Variants in MYL1 observed in about 807,000 individuals in gnomAD.
MYL1 encodes myosin light chain 1/3, skeletal muscle isoform.
In MYL1, 16 loss-of-function variants were observed where a neutral mutation model predicts 21.8. The ratio of observed to expected loss-of-function variants is 0.74; its 90% confidence interval spans 0.50 to 1.12. The LOEUF (loss-of-function observed/expected upper bound fraction) is 1.12. Ranked by LOEUF, MYL1 falls within the 50% of genes most tolerant of loss-of-function variation. The probability of loss-of-function intolerance (pLI) is 0.00; values close to 1 mark genes in which losing one functional copy is unlikely to be tolerated. For synonymous variants in MYL1, 99 were observed against 85.2 expected (o/e 1.16, Z -0.89); for missense variants, 246 against 241.0 (o/e 1.02, Z -0.14).
chr2:210,306,231 A>G (rs1031462761), intron 1 of MYL1, among the ~76,000 whole-genome samples: 1 of 152,042 alleles, frequency 6.6e-6, no homozygotes, highest in East Asian at 1.9e-4. Flanking sequence ...AAATACAAGA[A>G]TTATCTGAGC....
intron 2 of MYL1, among the ~76,000 whole-genome samples, chr2:210,301,394 A>G (rs1690263289): frequency 6.6e-6 from 1 of 152,098 alleles, no homozygotes; most frequent in South Asian, 2.1e-4. Context: ...TTTATGTTCA[A>G]ATATGAACTA....
At chr2:210,308,570 A>T (rs1690374432) in intron 1 of MYL1, among the ~76,000 whole-genome samples, 1 of 151,148 alleles carries the variant, frequency 6.6e-6, no homozygotes, top group Admixed American at 6.6e-5. Flanking sequence ...CTGAGATAAA[A>T]TCCTTAATTT....
chr2:210,311,082 G>A (rs1323495751), intron 1 of MYL1, among the ~76,000 whole-genome samples: 1 of 151,962 alleles, frequency 6.6e-6, no homozygotes, highest in Non-Finnish European at 1.5e-5. Flanking sequence ...AGATAACATG[G>A]CAAAGAGCAA....
Position 210,294,252 on chromosome 2 carries a change from G to T in MYL1, c.471C>A (p.Ala157=). The part of the protein sequence containing the change: ...VMGAELRHVL[A]TLGEKMKEEE... ...TGAAATAAATTCCCTTACCCAGGGT[G>T]GCTAGAACATGGCGGAGTTCAGCAC... Residue 157 remains alanine, a synonymous_variant, in exon 4 of 7, where the codon GCC becomes GCA. Transcript: ENST00000352451. The T allele has an allele frequency of 1.2e-6, 2 of 1,611,260 alleles. No homozygotes were observed. The highest frequency in any genetic ancestry group is 4.5e-5 in the East Asian group (2 of 44,760).
At chr2:210,310,859 A>G (rs1690409845) in intron 1 of MYL1, among the ~76,000 whole-genome samples, 1 of 152,102 alleles carries the variant, frequency 6.6e-6, no homozygotes, top group Non-Finnish European at 1.5e-5. Flanking sequence ...ACATTCTTAG[A>G]AACAGCAACT....
At chr2:210,303,074 T>C in intron 1 of MYL1, 1 of 454,794 alleles carries the variant, frequency 2.2e-6, no homozygotes, top group Non-Finnish European at 3.9e-6. Flanking sequence ...TCTAATAAGA[T>C]ACACGGTGTT....
chr2:210,293,857 A>G (rs1690124575), intron 4 of MYL1, 57 bp from the exon 5 acceptor site: 8 of 1,489,048 alleles, frequency 5.4e-6, no homozygotes, highest in East Asian at 2.3e-5. Context: ...TTCAAAATCC[A>G]CCATAGGTCA....
At chr2:210,297,398 A>G (rs1690190396) in intron 3 of MYL1, among the ~76,000 whole-genome samples, 1 of 151,632 alleles carries the variant, frequency 6.6e-6, no homozygotes, top group Non-Finnish European at 1.5e-5. Flanking sequence ...TTTAATTTGC[A>G]TTTCCCTGGT....
In MYL1 at chr2:210,305,457, T is replaced by C. The variant is rs16844318; in HGVS notation, c.133-2942A>G. ...GAATATTACAAGATTTGGAATCTTA[T>C]AATTTTTGACATAAATGAAAGCATC... On this transcript the variant is annotated intron_variant, in intron 1 of 6. Coordinates refer to ENST00000352451, the MANE Select transcript of MYL1 (RefSeq NM_079420.3). Among the ~76,000 whole-genome samples the C allele has an allele frequency of 9.1e-3, 1,392 of 152,274 alleles. 20 individuals are homozygous for C. The highest frequency in any genetic ancestry group is 0.032 in the African/African-American group (1,339 of 41,568).
At chr2:210,310,593 G>C (rs1690404688) in intron 1 of MYL1, among the ~76,000 whole-genome samples, 1 of 151,974 alleles carries the variant, frequency 6.6e-6, no homozygotes, top group Non-Finnish European at 1.5e-5. Flanking sequence ...TAGGAAGACG[G>C]AACAAAATGG....
intron 6 of MYL1, 94 bp downstream of exon 6, chr2:210,290,938 A>G: frequency 1.5e-6 from 1 of 668,892 alleles, no homozygotes; most frequent in African/African-American, 1.8e-5. Context: ...TTAAGAACCA[A>G]TATTAATCTA....
rs1393194978 is a variant in MYL1, at chr2:210,291,053, G to A, written c.578C>T (p.Ser193Phe). 4 of 1,609,086 alleles carry A rather than the reference G, an allele frequency of 2.5e-6. No individual in the cohort carries two copies. The African/African-American group carries it at 4.0e-5, about 16-fold the overall frequency. ...ATACCTTGAGAGCTCCATTCAGATA[G>A]ACATGATGTGCTTGACAAAAGCTGT... ...NYEAFVKHIM[S>F]I Residue 193 changes from serine to phenylalanine, a missense_variant, in exon 6 of 7, where the codon TCT becomes TTT. Ser to Phe is a radical substitution (Grantham distance 155). Coordinates refer to ENST00000352451, the MANE Select transcript of MYL1 (RefSeq NM_079420.3).
rs762994238 is a variant in MYL1 at position 210,294,354 on chromosome 2, G to A, written c.369C>T (p.Asn123=). Residue 123 remains asparagine, a synonymous_variant, in exon 4 of 7, where the codon AAC becomes AAT. Coordinates refer to ENST00000352451, the MANE Select transcript of MYL1 (RefSeq NM_079420.3). ...AGTCTTCATAGGTGGCCTGGTCCTT[G>A]TTGTTGGAAATGGCTTGCATCATAG... ...FLPMMQAISN[N]KDQATYEDFV... 1.9e-6 allele frequency: 3 copies of A among 1,613,984 alleles called. No individual in the cohort carries two copies. Among genetic ancestry groups the A allele is most frequent in the Admixed American group, 1.7e-5 (1 of 59,994 alleles).
At chr2:210,290,607 G>GT (rs1559657972) in intron 6 of MYL1, 140 bp from the exon 7 acceptor site, 1 of 152,834 alleles carries the variant, frequency 6.5e-6, no homozygotes, top group African/African-American at 2.4e-5. Flanking sequence ...ATTCCTAGTT[G>GT]TAAGAACCTG....
At chr2:210,291,105 T>G (rs1263599953) in intron 5 of MYL1, 31 bp from the exon 6 acceptor site, 1 of 1,585,300 alleles carries the variant, frequency 6.3e-7, no homozygotes, top group African/African-American at 1.4e-5. Flanking sequence ...AAATAGACAA[T>G]TTAGAGTTAG....
At chr2:210,298,321 CTACACACACACACAT>C (rs1690208236) in intron 3 of MYL1, 84 bp downstream of exon 3, 3 of 1,328,628 alleles carry the variant, frequency 2.3e-6, no homozygotes, top group East Asian at 5.1e-5. Flanking sequence ...CACACACATA[CTACACACACACACAT>C]ACTACACACA....
intron 4 of MYL1, among the ~76,000 whole-genome samples, 196 bp from the exon 5 acceptor site, chr2:210,293,996 T>G (rs1487372818): frequency 6.6e-6 from 1 of 152,258 alleles, no homozygotes; most frequent in African/African-American, 2.4e-5. Context: ...TTATCTGTTG[T>G]CATACAAAGT....
At chr2:210,305,050 T>C (rs1319482837) in intron 1 of MYL1, among the ~76,000 whole-genome samples, 2 of 152,162 alleles carry the variant, frequency 1.3e-5, no homozygotes, top group Non-Finnish European at 2.9e-5. Flanking sequence ...TAATGTATAT[T>C]GGAGATTAAT....
chr2:210,293,786 C>T lies in MYL1; in HGVS notation c.493G>A (p.Glu165Lys), dbSNP rs1690122776. The T allele has an allele frequency of 1.9e-6, 3 of 1,613,926 alleles. No individual in the cohort carries two copies. The highest frequency in any genetic ancestry group is 2.5e-6 in the Non-Finnish European group (3 of 1,179,938). ...VLATLGEKMK[E>K]EEVEALMAGQ... Reference sequence around the variant, plus strand: ...GCCATCAGGGCTTCCACTTCTTCCTCTTTCATCTTTTCACCTGATGAAACA... The same window carrying T: ...GCCATCAGGGCTTCCACTTCTTCCTTTTTCATCTTTTCACCTGATGAAACA... The change falls in exon 5 of 7, where the codon GAG becomes AAG. Residue 165 changes from glutamate to lysine, a missense_variant. By Grantham distance (56) the Glu-to-Lys change is moderately conservative. Transcript: ENST00000352451.
Sources: gnomAD v4.1 joint callset for allele counts (sites outside exome capture counted in the v4.1 genomes callset) on GRCh38, gnomAD v4.1.1 for gene constraint, MANE v1.5 for transcripts, NCBI Gene and HGNC (gene_info 2026-07-23, HGNC 2026-07-21) for gene names.